Variants in KYNU observed in about 807,000 individuals in gnomAD.
The protein encoded by KYNU is L-kynurenine hydrolase.
KYNU carries 54 observed loss-of-function variants against 59.2 expected under a neutral mutation model. The ratio of observed to expected loss-of-function variants is 0.91; its 90% CI spans 0.73 to 1.14. The LOEUF is 1.14. KYNU is among the 50% of genes most tolerant of loss of function. The probability of loss-of-function intolerance (pLI) is 0.00; values close to 1 mark genes in which losing one functional copy is unlikely to be tolerated. For missense variants in KYNU, 567 were observed against 554.4 expected (o/e 1.02, Z -0.23); for synonymous variants, 177 against 192.0 (o/e 0.92, Z 0.65).
At chr2:142,907,720 T>G (rs1682349452) in intron 2 of KYNU, among the ~76,000 whole-genome samples, 1 of 152,354 alleles carries the variant, frequency 6.6e-6, no homozygotes, top group Non-Finnish European at 1.5e-5. Context: ...ATGATTTGAC[T>G]ATTTCTTTAC....
chr2:142,989,473 G>A, intron 10 of KYNU: 1 of 985,016 alleles, frequency 1.0e-6, no homozygotes, highest in Non-Finnish European at 1.2e-6. Flanking sequence ...AGTAGTCTTT[G>A]TTGCTTAAAA....
At chr2:142,945,227 T>C (rs1006245389) in intron 4 of KYNU, among the ~76,000 whole-genome samples, 1 of 152,212 alleles carries the variant, frequency 6.6e-6, no homozygotes, top group African/African-American at 2.4e-5. Flanking sequence ...TGATAGTATT[T>C]TACTCACAGT....
intron 12 of KYNU, among the ~76,000 whole-genome samples, chr2:143,035,691 A>G (rs1686875555): frequency 1.3e-5 from 2 of 152,216 alleles, no homozygotes; most frequent in Admixed American, 1.3e-4. Context: ...CCTGGGGTTC[A>G]AGTGATCCTC....
chr2:142,960,805 C>T (rs754176867), intron 8 of KYNU, 35 bp downstream of exon 8: 1 of 1,604,958 alleles, frequency 6.2e-7, no homozygotes, highest in South Asian at 1.1e-5. Context: ...CACCTTACTC[C>T]AAACATCACT....
chr2:143,025,859 C>T (rs1280229090), intron 10 of KYNU, among the ~76,000 whole-genome samples: 1 of 152,112 alleles, frequency 6.6e-6, no homozygotes, highest in African/African-American at 2.4e-5. Flanking sequence ...TGGGTTGGTA[C>T]ACTATGAATT....
At chr2:142,955,016 A>G in intron 5 of KYNU, 145 bp downstream of exon 5, 3 of 631,510 alleles carry the variant, frequency 4.8e-6, no homozygotes, top group Non-Finnish European at 8.6e-6. Context: ...GAAATGCTGG[A>G]CCATGATATA....
At chr2:142,912,072 C>T (rs1476145544) in intron 2 of KYNU, among the ~76,000 whole-genome samples, 8 of 152,084 alleles carry the variant, frequency 5.3e-5, no homozygotes, top group South Asian at 2.1e-4. Flanking sequence ...TAGAATGAGT[C>T]GGGGAGGAGT....
At chr2:142,952,230 C>T (rs1684014947) in intron 4 of KYNU, among the ~76,000 whole-genome samples, 1 of 152,016 alleles carries the variant, frequency 6.6e-6, no homozygotes, top group African/African-American at 2.4e-5. Flanking sequence ...CATGCACCAC[C>T]ACATCCAGCT....
intron 10 of KYNU, chr2:142,988,917 C>T (rs777061994): frequency 1.3e-6 from 2 of 1,585,408 alleles, no homozygotes; most frequent in South Asian, 2.2e-5. Context: ...ATTTTCCAGT[C>T]ATCACTTCAT....
At chr2:142,947,123 C>T (rs1474629920) in intron 4 of KYNU, 1 of 1,551,046 alleles carries the variant, frequency 6.4e-7, no homozygotes, top group East Asian at 2.4e-5. Flanking sequence ...CCTTACAGAC[C>T]CCCAACACAA....
intron 2 of KYNU, among the ~76,000 whole-genome samples, chr2:142,892,267 A>G (rs1352867069): frequency 6.6e-6 from 1 of 152,232 alleles, no homozygotes; most frequent in African/African-American, 2.4e-5. Context: ...ACATATTTGT[A>G]ACCTTGTTAT....
At chr2:142,990,236 C>A (rs1685357900) in intron 10 of KYNU, among the ~76,000 whole-genome samples, 1 of 151,820 alleles carries the variant, frequency 6.6e-6, no homozygotes, top group South Asian at 2.1e-4. Context: ...TTAATTCAGT[C>A]TACACAGTTA....
At position 143,053,064 on chromosome 2, in the gene KYNU, T is replaced by C. The variant is rs912800925; in HGVS notation, c.*10892T>C. ...AGACATGGAGTCAAAGGAGATCATT[T>C]TGGAGCTTTAAGATTTGACTGCCCC... On this transcript the variant is annotated 3_prime_UTR_variant, in exon 14 of 14. Coordinates refer to ENST00000264170, the MANE Select transcript of KYNU (RefSeq NM_003937.3). 1.3e-5 allele frequency: 2 copies of C among 152,304 alleles called. No homozygotes were observed. The highest frequency in any genetic ancestry group is 4.8e-5 in the African/African-American group (2 of 41,464). The allele number at this position is 152,304 out of a possible 1,614,324, so 9.4% of individuals were successfully genotyped here.
At chr2:142,978,910 C>T (rs1684972892) in intron 8 of KYNU, among the ~76,000 whole-genome samples, 1 of 151,804 alleles carries the variant, frequency 6.6e-6, no homozygotes, top group Admixed American at 6.6e-5. Flanking sequence ...AATAATAGTC[C>T]AAAATCAATT....
At chr2:142,947,200 T>C in intron 4 of KYNU, 1 of 1,550,614 alleles carries the variant, frequency 6.4e-7, no homozygotes, top group Non-Finnish European at 8.7e-7. Flanking sequence ...ACCTCTGAGG[T>C]TCCCAAGAAA....
rs1231361403 is a variant in KYNU, at chr2:143,050,074, C to T, written c.*7902C>T. On this transcript the variant is annotated 3_prime_UTR_variant, in exon 14 of 14. Transcript: ENST00000264170. Reference sequence around the variant, plus strand: ...CATATAAAATATGAAATATATAATACAGTATAAAATCTATTTTATGTAAAA... The same window carrying T: ...CATATAAAATATGAAATATATAATATAGTATAAAATCTATTTTATGTAAAA... 6.8e-6 allele frequency: 1 copy of T among 147,116 alleles called. No homozygotes were observed. The highest frequency in any genetic ancestry group is 1.9e-4 in the East Asian group (1 of 5,142). The allele number at this position is 147,116 out of a possible 1,614,324, so 9.1% of individuals were successfully genotyped here.
intron 12 of KYNU, among the ~76,000 whole-genome samples, chr2:143,033,616 A>G (rs1251310549): frequency 9.2e-5 from 14 of 152,254 alleles, no homozygotes; most frequent in Admixed American, 9.2e-4. Context: ...CTGTTTAAAC[A>G]TGAATAAGTT....
intron 8 of KYNU, among the ~76,000 whole-genome samples, chr2:142,978,482 T>C (rs1399107421): frequency 6.6e-6 from 1 of 152,164 alleles, no homozygotes; most frequent in African/African-American, 2.4e-5. Context: ...TACCAGGTAG[T>C]ATCCATCATT....
Position 143,043,776 on chromosome 2 carries a change from T to C in KYNU, c.*1604T>C, listed in dbSNP as rs1254475266. On this transcript the variant is annotated 3_prime_UTR_variant, in exon 14 of 14. Coordinates refer to ENST00000264170, the MANE Select transcript of KYNU (RefSeq NM_003937.3). ...ATATATATTTATATTTATATATTTA[T>C]ATATTTATATTTTAATATATTTATA... The C allele has an allele frequency of 1.4e-5, 2 of 147,032 alleles. No individual in the cohort carries two copies. The highest frequency in any genetic ancestry group is 6.9e-5 in the Admixed American group (1 of 14,574). 9.1% of individuals were successfully genotyped at this position (147,032 alleles called of 1,614,324 possible).
Sources: gnomAD v4.1 joint callset for allele counts (sites outside exome capture counted in the v4.1 genomes callset) on GRCh38, gnomAD v4.1.1 for gene constraint, MANE v1.5 for transcripts, NCBI Gene and HGNC (gene_info 2026-07-23, HGNC 2026-07-21) for gene names.